Variants in RANBP17 observed in about 807,000 individuals in gnomAD.
The protein encoded by RANBP17 is RAN binding protein 17, also known as ran-binding protein 17.
RANBP17 carries 158 observed loss-of-function variants against 141.2 expected under a neutral mutation model. The observed-to-expected ratio is 1.12, with a 90% CI of 0.98 to 1.28. The LOEUF (loss-of-function observed/expected upper bound fraction) is 1.28. RANBP17 is among the 50% of genes most tolerant of loss of function. The pLI is 0.00. For synonymous variants in RANBP17, 430 were observed against 450.0 expected (o/e 0.96, Z 0.56); for missense variants, 1,438 against 1,290.7 (o/e 1.11, Z -1.75).
At chr5:171,074,626 A>G (rs923620372) in intron 14 of RANBP17, among the ~76,000 whole-genome samples, 1 of 152,224 alleles carries the variant, frequency 6.6e-6, no homozygotes, top group African/African-American at 2.4e-5. Context: ...GTTTCAAGAC[A>G]AAATGTTTAT....
At chr5:171,261,141 T>C (rs1766305474) in intron 24 of RANBP17, among the ~76,000 whole-genome samples, 1 of 129,916 alleles carries the variant, frequency 7.7e-6, no homozygotes, top group Non-Finnish European at 1.6e-5. Flanking sequence ...AGAAGAATGC[T>C]TTGGTGTTTA....
intron 18 of RANBP17, among the ~76,000 whole-genome samples, chr5:171,192,346 G>T (rs905560993): frequency 1.1e-4 from 16 of 152,170 alleles, no homozygotes; most frequent in African/African-American, 3.9e-4. Context: ...ATTAAGTCCA[G>T]ATCCAGTTTT....
chr5:170,934,763 G>A (rs1310427143), intron 12 of RANBP17, among the ~76,000 whole-genome samples: 1 of 152,096 alleles, frequency 6.6e-6, no homozygotes, highest in African/African-American at 2.4e-5. Flanking sequence ...CAACTTTGGT[G>A]AATCTGACAA....
chr5:170,871,438 TG>T (rs1767719314), intron 1 of RANBP17, among the ~76,000 whole-genome samples: 1 of 152,102 alleles, frequency 6.6e-6, no homozygotes, highest in African/African-American at 2.4e-5. Flanking sequence ...CTTTGTCACA[TG>T]GGTTGATTGC....
intron 14 of RANBP17, among the ~76,000 whole-genome samples, chr5:171,053,673 T>C (rs1021312420): frequency 3.3e-4 from 50 of 151,412 alleles, no homozygotes; most frequent in African/African-American, 1.2e-3. Context: ...AAAGAGGTAG[T>C]TTTGTTTTTT....
chr5:171,264,202 CA>C (rs976943371), intron 24 of RANBP17, among the ~76,000 whole-genome samples: 1 of 152,058 alleles, frequency 6.6e-6, no homozygotes, highest in African/African-American at 2.4e-5. Flanking sequence ...TATGAGGACG[CA>C]AAGGCATGAG....
At chr5:171,220,191 CCT>C (rs1763467454) in intron 21 of RANBP17, among the ~76,000 whole-genome samples, 1 of 152,058 alleles carries the variant, frequency 6.6e-6, no homozygotes, top group Non-Finnish European at 1.5e-5. Context: ...CACTCCAGAT[CCT>C]GTTTGCCTGG....
At chr5:170,909,225 T>TTTA (rs1349445746) in intron 5 of RANBP17, among the ~76,000 whole-genome samples, 1 of 151,898 alleles carries the variant, frequency 6.6e-6, no homozygotes, top group East Asian at 1.9e-4. Flanking sequence ...TATGAACTAA[T>TTTA]GACATATATG....
Position 171,121,728 on chromosome 5 carries a change from CAA to C in RANBP17, c.1711-48401_1711-48400del, listed in dbSNP as rs1756049886. Among the ~76,000 whole-genome samples, 3 of 152,240 alleles carry C rather than the reference CAA, an allele frequency of 2.0e-5. No homozygotes were observed. The East Asian group carries it at 5.8e-4, about 29-fold the overall frequency. The stretch of plus-strand genomic sequence containing the variant: ...GCCACTCCTGGGACCAGGCTCCATG[CAA>C]CTAGGTTTGTGGTGTTCAGCCACCG... On this transcript the variant is annotated intron_variant, in intron 14 of 27. Coordinates refer to ENST00000523189, the MANE Select transcript of RANBP17 (RefSeq NM_022897.5).
At chr5:171,186,526 CTTTTTTTT>C (rs757585137) in intron 18 of RANBP17, among the ~76,000 whole-genome samples, 186 of 41,658 alleles carry the variant, frequency 4.5e-3, no homozygotes, top group African/African-American at 0.01. Flanking sequence ...GTATGATTTT[CTTTTTTTT>C]TTTTTTTTTT....
intron 24 of RANBP17, chr5:171,252,214 A>G (rs1356578668): frequency 1.9e-6 from 3 of 1,575,998 alleles, no homozygotes; most frequent in African/African-American, 1.4e-5. Context: ...CCTACTAAAT[A>G]CAATTGCTGA....
At chr5:171,159,702 A>G (rs1221283978) in intron 14 of RANBP17, among the ~76,000 whole-genome samples, 1 of 152,108 alleles carries the variant, frequency 6.6e-6, no homozygotes, top group Non-Finnish European at 1.5e-5. Flanking sequence ...CAGGTGGATC[A>G]CGAGGTCAGG....
intron 25 of RANBP17, among the ~76,000 whole-genome samples, chr5:171,283,983 A>G (rs1225867419): frequency 6.6e-6 from 1 of 152,198 alleles, no homozygotes; most frequent in African/African-American, 2.4e-5. Flanking sequence ...CCCTCGTGCC[A>G]TTATGCTTAT....
At chr5:170,981,685 AC>A (rs1264636842) in intron 14 of RANBP17, among the ~76,000 whole-genome samples, 2 of 151,990 alleles carry the variant, frequency 1.3e-5, no homozygotes, top group East Asian at 3.9e-4. Context: ...TTCATAAATT[AC>A]CCAGTCTCAG....
intron 25 of RANBP17, among the ~76,000 whole-genome samples, chr5:171,287,087 C>T (rs1768212654): frequency 6.6e-6 from 1 of 152,200 alleles, no homozygotes; most frequent in Non-Finnish European, 1.5e-5. Context: ...ATTGGTTGTT[C>T]CTCAAAACAT....
At chr5:171,007,132 A>C (rs1036335607) in intron 14 of RANBP17, among the ~76,000 whole-genome samples, 1 of 152,010 alleles carries the variant, frequency 6.6e-6, no homozygotes, top group African/African-American at 2.4e-5. Flanking sequence ...CATTTAAGTC[A>C]CTCCAGGTTG....
At chr5:171,054,786 C>A (rs575082083) in intron 14 of RANBP17, among the ~76,000 whole-genome samples, 1 of 152,104 alleles carries the variant, frequency 6.6e-6, no homozygotes, top group Non-Finnish European at 1.5e-5. Context: ...GTGTTTCCCC[C>A]CTCCCTTTTA....
chr5:171,189,284 A>G (rs1487461411), intron 18 of RANBP17, among the ~76,000 whole-genome samples: 1 of 152,224 alleles, frequency 6.6e-6, no homozygotes, highest in Non-Finnish European at 1.5e-5. Flanking sequence ...AGTAATTTTT[A>G]CTTTTTAAAA....
At chr5:171,190,802 C>T (rs757641290) in intron 18 of RANBP17, among the ~76,000 whole-genome samples, 22 of 152,276 alleles carry the variant, frequency 1.4e-4, no homozygotes, top group Middle Eastern at 3.4e-3. Context: ...ACTATAACAA[C>T]GCTTTTCATT....
Sources: gnomAD v4.1 joint callset for allele counts (sites outside exome capture counted in the v4.1 genomes callset) on GRCh38, gnomAD v4.1.1 for gene constraint, MANE v1.5 for transcripts, NCBI Gene and HGNC (gene_info 2026-07-23, HGNC 2026-07-21) for gene names.